Variants in TNNI3K observed in about 807,000 individuals in gnomAD.
TNNI3K encodes the protein serine/threonine-protein kinase TNNI3K.
TNNI3K carries 140 observed loss-of-function variants against 114.5 expected under a neutral mutation model. The observed-to-expected ratio is 1.22, with a 90% CI of 1.07 to 1.41. The LOEUF (loss-of-function observed/expected upper bound fraction) is 1.41, where lower values mean the gene tolerates loss of function less well. Ranked by LOEUF, TNNI3K falls within the 40% of genes most tolerant of loss-of-function variation. The probability of loss-of-function intolerance (pLI) is 0.00; values close to 1 mark genes in which losing one functional copy is unlikely to be tolerated. For missense variants in TNNI3K, 1,125 were observed against 1,007.6 expected (o/e 1.12, Z -1.58); for synonymous variants, 347 against 347.5 (o/e 1.00, Z 0.02).
Position 74,331,714 on chromosome 1 carries a change from C to G in TNNI3K, c.543+166C>G, listed in dbSNP as rs1052232472. Among the ~76,000 whole-genome samples, 3 of 152,082 alleles carry G rather than the reference C, an allele frequency of 2.0e-5. No individual in the cohort carries two copies. The East Asian group carries it at 5.8e-4, about 29-fold the overall frequency. Reference sequence around the variant, plus strand: ...AGCTTGTAGATCCATATAAGCATTACGGTTGTCATGTTACTCATTTTTGCT... The same window carrying G: ...AGCTTGTAGATCCATATAAGCATTAGGGTTGTCATGTTACTCATTTTTGCT... On this transcript the variant is annotated intron_variant, in intron 6 of 24. Transcript: ENST00000326637.
At chr1:74,469,040 G>C (rs1667792689) in intron 21 of TNNI3K, 1 of 152,096 alleles carries the variant, frequency 6.6e-6, no homozygotes, top group Admixed American at 6.5e-5. Flanking sequence ...CAAGAGATCA[G>C]ACCTTGAAAG....
Position 74,250,727 on chromosome 1 carries a change from G to A in TNNI3K, c.291G>A (p.Leu97=). ...TGAAAGGGCTCCGCCCATCTCGACT[G>A]ACAAGAAATGGATTTACAGCCTTGC... ...LMLKGLRPSR[L]TRNGFTALHL... Residue 97 remains leucine, a synonymous_variant, in exon 4 of 25, where the codon CTG becomes CTA. Transcript: ENST00000326637. 6.2e-7 allele frequency: 1 copy of A among 1,613,134 alleles called. No individual in the cohort carries two copies. Among genetic ancestry groups the A allele is most frequent in the South Asian group, 1.1e-5 (1 of 90,884 alleles).
intron 17 of TNNI3K, among the ~76,000 whole-genome samples, chr1:74,387,846 C>A (rs1421292191): frequency 6.6e-6 from 1 of 152,134 alleles, no homozygotes; most frequent in Non-Finnish European, 1.5e-5. Context: ...CAGTGTCTGG[C>A]ACATAGTAGA....
At chr1:74,304,595 A>C (rs1048682185) in intron 5 of TNNI3K, among the ~76,000 whole-genome samples, 1 of 151,994 alleles carries the variant, frequency 6.6e-6, no homozygotes, top group Admixed American at 6.6e-5. Flanking sequence ...GGTTTGTGCC[A>C]CCATGCCTGT....
At chr1:74,413,098 A>T (rs1041093487) in intron 17 of TNNI3K, among the ~76,000 whole-genome samples, 6 of 152,200 alleles carry the variant, frequency 3.9e-5, no homozygotes, top group African/African-American at 1.4e-4. Flanking sequence ...TTGGTAATTA[A>T]TTCAGTCATC....
intron 6 of TNNI3K, among the ~76,000 whole-genome samples, chr1:74,333,548 A>G (rs1048456821): frequency 2.0e-5 from 3 of 152,220 alleles, no homozygotes; most frequent in Non-Finnish European, 4.4e-5. Flanking sequence ...AAATATAGTC[A>G]CAGTCTTATA....
intron 5 of TNNI3K, among the ~76,000 whole-genome samples, chr1:74,314,617 C>G (rs560491265): frequency 6.6e-6 from 1 of 152,072 alleles, no homozygotes; most frequent in African/African-American, 2.4e-5. Context: ...GTACAGCATC[C>G]TTTGCAACTG....
At chr1:74,380,841 A>G (rs1279284108) in intron 17 of TNNI3K, among the ~76,000 whole-genome samples, 1 of 152,004 alleles carries the variant, frequency 6.6e-6, no homozygotes, top group Non-Finnish European at 1.5e-5. Flanking sequence ...ATCGTTTTCA[A>G]CCCTTGCTTG....
chr1:74,537,465 G>C (rs1024465640), intron 23 of TNNI3K, among the ~76,000 whole-genome samples: 1 of 152,184 alleles, frequency 6.6e-6, no homozygotes, highest in African/African-American at 2.4e-5. Flanking sequence ...CAAAGATGCA[G>C]TCATTTTTAA....
chr1:74,480,423 C>T (rs1457606176), intron 21 of TNNI3K: 1 of 717,560 alleles, frequency 1.4e-6, no homozygotes. Flanking sequence ...TGGTTCTTAT[C>T]TAAGCTCAGA....
Position 74,372,146 on chromosome 1 carries a change from A to C in TNNI3K, c.1772+1754A>C, listed in dbSNP as rs185029321. 258 of 151,546 alleles carry C rather than the reference A, an allele frequency of 1.7e-3. 1 individual carries two copies. Among genetic ancestry groups the C allele is most frequent in the African/African-American group, 6.0e-3 (250 of 41,430 alleles). The allele number at this position is 151,546 out of a possible 1,614,324, so 9.4% of individuals were successfully genotyped here. ...TTTAAGTTGTTTACAAAGAATTTAC[A>C]TAAATAATATAAACTATTGATTGGT... On this transcript the variant is annotated intron_variant, in intron 17 of 24. Transcript: ENST00000326637.
chr1:74,503,727 C>A (rs1432636390), intron 23 of TNNI3K, among the ~76,000 whole-genome samples: 2 of 152,196 alleles, frequency 1.3e-5, no homozygotes, highest in East Asian at 3.8e-4. Context: ...AAGCAAGTGC[C>A]ACGATGCCTA....
chr1:74,295,225 A>G (rs980394491), intron 5 of TNNI3K, among the ~76,000 whole-genome samples: 5 of 152,074 alleles, frequency 3.3e-5, no homozygotes, highest in African/African-American at 1.2e-4. Context: ...CTCAGAAATT[A>G]TAGTTTGTAT....
intron 17 of TNNI3K, among the ~76,000 whole-genome samples, chr1:74,420,928 G>C (rs1570599430): frequency 6.6e-6 from 1 of 152,036 alleles, no homozygotes; most frequent in East Asian, 1.9e-4. Flanking sequence ...TTATGCTAGA[G>C]GTTGCAATTT....
chr1:74,297,709 G>C (rs930464688), intron 5 of TNNI3K, among the ~76,000 whole-genome samples: 2 of 152,006 alleles, frequency 1.3e-5, no homozygotes, highest in Admixed American at 1.3e-4. Flanking sequence ...TTTTCTCATA[G>C]CATGTCAGGG....
chr1:74,292,570 T>C (rs1361570616), intron 5 of TNNI3K, among the ~76,000 whole-genome samples: 4 of 151,622 alleles, frequency 2.6e-5, no homozygotes, highest in Non-Finnish European at 4.4e-5. Context: ...AACTTCGTCA[T>C]TAGTTTTCCA....
chr1:74,414,559 T>C (rs1031929507), intron 17 of TNNI3K, among the ~76,000 whole-genome samples: 12 of 152,202 alleles, frequency 7.9e-5, no homozygotes, highest in African/African-American at 2.4e-4. Context: ...CATATATAAA[T>C]TGAACTTAGT....
chr1:74,368,137 A>C (rs1210868968), intron 13 of TNNI3K, among the ~76,000 whole-genome samples, 173 bp downstream of exon 13: 2 of 151,914 alleles, frequency 1.3e-5, no homozygotes, highest in Non-Finnish European at 2.9e-5. Context: ...ATCTCCTTTC[A>C]GTGCATAAAG....
intron 4 of TNNI3K, among the ~76,000 whole-genome samples, chr1:74,254,502 T>G (rs1655154617): frequency 6.6e-6 from 1 of 152,204 alleles, no homozygotes; most frequent in Non-Finnish European, 1.5e-5. Flanking sequence ...TATCTTAATA[T>G]TTTTCATGCA....
Sources: allele counts gnomAD v4.1 joint callset (sites outside exome capture counted in the v4.1 genomes callset), GRCh38; gene constraint gnomAD v4.1.1; transcripts MANE v1.5; gene names NCBI Gene and HGNC (gene_info 2026-07-23, HGNC 2026-07-21).